The following DMBT1 variants were observed in gnomAD, a reference collection of about 807,000 sequenced individuals.
The protein encoded by DMBT1 is scavenger receptor cysteine-rich domain-containing protein DMBT1.
In DMBT1, 198 loss-of-function variants were observed where a neutral mutation model predicts 252.9. The ratio of observed to expected loss-of-function variants is 0.78; its 90% confidence interval spans 0.70 to 0.88. The LOEUF is 0.88. Among genes scored for constraint, DMBT1 ranks in the 40% least tolerant of loss-of-function variants. DMBT1 has a pLI of 0.00. For missense variants in DMBT1, 2,432 were observed against 2,404.7 expected, an observed-to-expected ratio of 1.01 and a Z score of -0.24; for synonymous variants, 990 against 942.7, an observed-to-expected ratio of 1.05 and a Z score of -0.92.
chr10:122,629,945 T>C lies in DMBT1; in HGVS notation c.5774T>C (p.Ile1925Thr). The change falls in exon 47 of 56, where the codon ATA becomes ACA. Residue 1925 changes from isoleucine to threonine, a missense_variant. Physicochemically the swap from Ile to Thr is moderately conservative, Grantham distance 89 (BLOSUM62 -1). Transcript: ENST00000338354. ...YPNNAKCVWE[I>T]EVNSGYRINL... ...AACAATGCTAAGTGTGTTTGGGAAA[T>C]AGAAGTGAATTCTGGTTATCGCATA... 1.9e-6 allele frequency: 3 copies of C among 1,614,028 alleles called. No homozygotes were observed. Among genetic ancestry groups the C allele is most frequent in the Non-Finnish European group, 2.5e-6 (3 of 1,179,898 alleles).
intron 1 of DMBT1, among the ~76,000 whole-genome samples, chr10:122,565,017 A>C (rs2097578468): frequency 7.4e-6 from 1 of 134,546 alleles, no homozygotes. Context: ...CAGACTATGA[A>C]GAAAGTGTCT....
rs1166104591 is a variant in DMBT1, at chr10:122,586,051, C to T, written c.1460-9C>T. 1 of 1,588,250 alleles carries T rather than the reference C, an allele frequency of 6.3e-7. No homozygotes were observed. The highest frequency in any genetic ancestry group is 1.3e-5 in the African/African-American group (1 of 74,552). ...GGGATGGATGAAGGGTTCTTGTTTT[C>T]CCCTGTAGGATCTGAATCCAGTTTG... On this transcript the variant is annotated splice_polypyrimidine_tract_variant and intron_variant, in intron 15 of 55. Transcript: ENST00000338354.
intron 46 of DMBT1, among the ~76,000 whole-genome samples, chr10:122,628,999 T>C (rs1004147337): frequency 2.6e-5 from 4 of 152,174 alleles, no homozygotes; most frequent in African/African-American, 9.7e-5. Context: ...AAAAGACGTT[T>C]TAATTTCTAT....
In DMBT1 at chr10:122,578,891, T is replaced by C. The variant is rs2097737683; in HGVS notation, c.679+132T>C. 3.5e-6 allele frequency: 3 copies of C among 859,504 alleles called. No homozygotes were observed. In the South Asian group the frequency reaches 4.7e-5, roughly 13 times the overall value. The allele number at this position is 859,504 out of a possible 1,614,324, so 53.2% of individuals were successfully genotyped here. A position where few individuals can be genotyped will look rare whatever the true frequency, so the allele number is the denominator to read the frequency against. ...CTAAGCGTGGGAGGGTGGCAGCAGG[T>C]GATAAACAGTTGGCTCAAGAGTCAG... On this transcript the variant is annotated intron_variant, in intron 9 of 55. Coordinates refer to ENST00000338354, the MANE Select transcript of DMBT1 (RefSeq NM_001377530.1).
At position 122,598,000 on chromosome 10, in the gene DMBT1, G is replaced by A. The variant is rs1452169164; in HGVS notation, c.2944G>A (p.Ala982Thr). 2 of 1,613,798 alleles carry A rather than the reference G, an allele frequency of 1.2e-6. No homozygotes were observed. Among genetic ancestry groups the A allele is most frequent in the African/African-American group, 1.3e-5 (1 of 74,894 alleles). Residue 982 changes from alanine to threonine, a missense_variant, in exon 25 of 56, where the codon GCA (alanine) becomes ACA (threonine). Physicochemically the swap from Ala to Thr is moderately conservative, Grantham distance 58. This residue lies in a region of DMBT1 where 1,264 missense variants were observed against 1,082.2 expected (regional missense o/e 1.17). Transcript: ENST00000338354. ...PDTLPTITLP[A>T]STVGSESSLA... The stretch of plus-strand genomic sequence containing the variant: ...CACATTGCCGACCATCACCTTGCCT[G>A]CATCGACAGTAGGTAAATATTCCTC...
At chr10:122,587,127 C>T (rs892710869) in intron 16 of DMBT1, among the ~76,000 whole-genome samples, 2 of 148,332 alleles carry the variant, frequency 1.3e-5, no homozygotes. Context: ...ATGGGACAAA[C>T]ATCCAAACTA....
intron 7 of DMBT1, among the ~76,000 whole-genome samples, chr10:122,577,287 G>T (rs2097720911): frequency 6.6e-6 from 1 of 152,302 alleles, no homozygotes; most frequent in South Asian, 2.1e-4. Context: ...CGCTGACCCA[G>T]AGGGAAGGAT....
intron 5 of DMBT1, among the ~76,000 whole-genome samples, chr10:122,572,823 G>C (rs2097677181): frequency 6.6e-6 from 1 of 152,118 alleles, no homozygotes; most frequent in South Asian, 2.1e-4. Flanking sequence ...AATTTGAGGA[G>C]AGTGGGAGAA....
In DMBT1 at chr10:122,587,024, A is replaced by T. The variant is rs948470731; in HGVS notation, c.1783+641A>T. 1.3e-5 allele frequency among the ~76,000 whole-genome samples: 2 copies of T among 148,454 alleles called. 1 individual carries two copies. The highest frequency in any genetic ancestry group is 3.0e-5 in the Non-Finnish European group (2 of 66,708). On this transcript the variant is annotated intron_variant, in intron 16 of 55. Transcript: ENST00000338354. Reference sequence around the variant, plus strand: ...TTACCCCTGACCAGGGAGGACACTAAGTTATTCATGAAGAGTTGGCCTTCA... The same window carrying T: ...TTACCCCTGACCAGGGAGGACACTATGTTATTCATGAAGAGTTGGCCTTCA...
At chr10:122,617,827 A>T (rs895154915) in intron 40 of DMBT1, among the ~76,000 whole-genome samples, 190 bp from the exon 41 acceptor site, 1 of 151,462 alleles carries the variant, frequency 6.6e-6, no homozygotes, top group Non-Finnish European at 1.5e-5. Flanking sequence ...GCCTCCATAA[A>T]CCCAGGCAGC....
In DMBT1 at chr10:122,622,290, G is replaced by T. The variant is rs144658655; in HGVS notation, c.5608+910G>T. Among the ~76,000 whole-genome samples the T allele has an allele frequency of 4.0e-3, 613 of 152,254 alleles. 5 individuals are homozygous for T. Among genetic ancestry groups the T allele is most frequent in the African/African-American group, 0.014 (590 of 41,542 alleles). On this transcript the variant is annotated intron_variant, in intron 44 of 55. Coordinates refer to ENST00000338354, the MANE Select transcript of DMBT1 (RefSeq NM_001377530.1). Reference sequence around the variant, plus strand: ...GCCGCTCCCTACCTCAATCAATGTGGTATCTACCAGTTGTCAATTGATCTT... The same window carrying T: ...GCCGCTCCCTACCTCAATCAATGTGTTATCTACCAGTTGTCAATTGATCTT...
chr10:122,579,486 A>G (rs1030197491), intron 9 of DMBT1, 92 bp from the exon 10 acceptor site: 12 of 1,593,494 alleles, frequency 7.5e-6, no homozygotes, highest in Non-Finnish European at 1.0e-5. Context: ...TAGGTGACTT[A>G]GTTCATTAGG....
chr10:122,636,074 A>C lies in DMBT1; in HGVS notation c.6632A>C (p.Asp2211Ala). 1 of 1,613,928 alleles carries C rather than the reference A, an allele frequency of 6.2e-7. No individual in the cohort carries two copies. Among genetic ancestry groups the C allele is most frequent in the Non-Finnish European group, 8.5e-7 (1 of 1,179,882 alleles). The change falls in exon 53 of 56, where the codon GAT becomes GCT. Residue 2211 changes from aspartate to alanine, a missense_variant. Asp to Ala is a moderately radical substitution (Grantham distance 126). Coordinates refer to ENST00000338354, the MANE Select transcript of DMBT1 (RefSeq NM_001377530.1). ...RSSPLIARVC[D>A]GARGSFTSSS... ...TCCCCTCTCATTGCTCGAGTTTGTG[A>C]TGGGGCCAGAGGCTCCTTCACTTCT...
intron 2 of DMBT1, among the ~76,000 whole-genome samples, chr10:122,569,263 A>G (rs2097637943): frequency 6.6e-6 from 1 of 152,212 alleles, no homozygotes; most frequent in Admixed American, 6.5e-5. Flanking sequence ...TCCTCCTTTA[A>G]AAGCTGACGA....
At chr10:122,630,762 G>T (rs1364821209) in intron 48 of DMBT1, among the ~76,000 whole-genome samples, 199 bp from the exon 49 acceptor site, 2 of 152,190 alleles carry the variant, frequency 1.3e-5, no homozygotes, top group Admixed American at 1.3e-4. Context: ...GGAGGTGAGG[G>T]GATCTGAGCT....
chr10:122,590,036 T>C (rs1403944717), intron 17 of DMBT1, among the ~76,000 whole-genome samples: 3 of 147,554 alleles, frequency 2.0e-5, no homozygotes, highest in South Asian at 4.7e-4. Flanking sequence ...CACATATAGG[T>C]GTTGGGGGAC....
rs1245603546 is a variant in DMBT1, at chr10:122,585,444, TAG to T, written c.1459+138_1459+139del. 9.9e-6 allele frequency: 12 copies of T among 1,209,988 alleles called. 2 individuals are homozygous for T. In the East Asian group the frequency reaches 2.4e-4, roughly 24 times the overall value. 75.0% of individuals were successfully genotyped at this position (1,209,988 alleles called of 1,614,324 possible). On this transcript the variant is annotated intron_variant, in intron 15 of 55. Coordinates refer to ENST00000338354, the MANE Select transcript of DMBT1 (RefSeq NM_001377530.1). ...CCCTGTGGGTTGCATGGGAGGAAGG[TAG>T]AGTCTCTGGGGACCCAGCTGTGGGT...
At chr10:122,578,637 G>T in intron 8 of DMBT1, 81 bp from the exon 9 acceptor site, 3 of 1,235,738 alleles carry the variant, frequency 2.4e-6, no homozygotes, top group Admixed American at 3.9e-5. Context: ...CACAGTGCTT[G>T]CCTGGTCCAG....
chr10:122,617,958 G>A (rs2098013362), intron 40 of DMBT1, 59 bp from the exon 41 acceptor site: 20 of 1,603,402 alleles, frequency 1.2e-5, no homozygotes, highest in South Asian at 4.5e-5. Context: ...TGTGGAACTT[G>A]CCTTAGATTG....
Sources: allele counts gnomAD v4.1 joint callset (sites outside exome capture counted in the v4.1 genomes callset), GRCh38; gene constraint gnomAD v4.1.1; regional missense constraint gnomAD v4.1.1; transcripts MANE v1.5; gene names NCBI Gene and HGNC (gene_info 2026-07-23, HGNC 2026-07-21).